The following DNAJC11 variants were observed in gnomAD, a reference collection of about 807,000 sequenced individuals.
The protein encoded by DNAJC11 is dnaJ homolog subfamily C member 11.
In DNAJC11, 15 loss-of-function variants were observed where a neutral mutation model predicts 78.6. The ratio of observed to expected loss-of-function variants is 0.19; its 90% CI spans 0.13 to 0.29. DNAJC11 has a LOEUF of 0.29. Among genes scored for constraint, DNAJC11 ranks in the 10% least tolerant of loss-of-function variants. DNAJC11 has a pLI of 1.00. For missense variants in DNAJC11, 547 were observed against 709.6 expected, an observed-to-expected ratio of 0.77 and a Z score of 2.60; for synonymous variants, 292 against 272.1, an observed-to-expected ratio of 1.07 and a Z score of -0.72.
Position 6,655,126 on chromosome 1 carries a change from C to A in DNAJC11, c.379-1087G>T, listed in dbSNP as rs572852420. Among the ~76,000 whole-genome samples, 11 of 152,274 alleles carry A rather than the reference C, an allele frequency of 7.2e-5. 1 individual carries two copies. Among genetic ancestry groups the A allele is most frequent in the Admixed American group, 3.9e-4 (6 of 15,300 alleles). On this transcript the variant is annotated intron_variant, in intron 4 of 15. Transcript: ENST00000377577. ...CTAGCTTTCTATCAGATGCTTCAAT[C>A]TGAAAATGCATTAACCCTAATAATT...
At chr1:6,643,868 A>T (rs1641923252) in intron 10 of DNAJC11, among the ~76,000 whole-genome samples, 1 of 151,874 alleles carries the variant, frequency 6.6e-6, no homozygotes, top group South Asian at 2.1e-4. Context: ...GCAAAGACAC[A>T]AGCAACTGTA....
chr1:6,635,809 C>A, intron 15 of DNAJC11, 109 bp from the exon 16 acceptor site: 1 of 1,334,240 alleles, frequency 7.5e-7, no homozygotes, highest in East Asian at 2.3e-5. Context: ...TGGGCCCAGG[C>A]GAGGCAGAGC....
chr1:6,685,805 TTTCA>T (rs1388511093), intron 1 of DNAJC11, among the ~76,000 whole-genome samples: 5 of 152,258 alleles, frequency 3.3e-5, no homozygotes, highest in African/African-American at 9.6e-5. Context: ...CCAAATTATC[TTTCA>T]GAGAACTTTT....
chr1:6,652,840 C>G lies in DNAJC11; in HGVS notation c.619G>C (p.Gly207Arg), dbSNP rs745810227. Reference protein sequence around the residue: ...FALRRVTSAKGWGELEFGAGD... With the variant: ...FALRRVTSAKRWGELEFGAGD... The stretch of plus-strand genomic sequence containing the variant: ...ATAGACATTCTTACCTCTCCCCATC[C>G]CTTTGCCGAAGTTACTCGTCTGAGC... The change falls in exon 6 of 16, where the codon GGA (glycine) becomes CGA (arginine). Residue 207 changes from glycine to arginine, a missense_variant. Transcript: ENST00000377577. 3.1e-6 allele frequency: 5 copies of G among 1,614,048 alleles called. No individual in the cohort carries two copies. Among genetic ancestry groups the G allele is most frequent in the Admixed American group, 1.7e-5 (1 of 59,988 alleles).
intron 1 of DNAJC11, among the ~76,000 whole-genome samples, chr1:6,682,522 C>T (rs1302718635): frequency 6.6e-6 from 1 of 152,204 alleles, no homozygotes; most frequent in Non-Finnish European, 1.5e-5. Context: ...CCCTCAAGCC[C>T]ATCTCCTCAG....
At chr1:6,656,100 TAAAA>T (rs749444041) in intron 4 of DNAJC11, among the ~76,000 whole-genome samples, 2 of 88,880 alleles carry the variant, frequency 2.3e-5, no homozygotes, top group African/African-American at 4.3e-5. Flanking sequence ...AGACTCCGTC[TAAAA>T]AAAAAAAAAA....
chr1:6,666,443 G>C lies in DNAJC11; in HGVS notation c.378+1266C>G, dbSNP rs145919817. Among the ~76,000 whole-genome samples the C allele has an allele frequency of 5.1e-3, 729 of 144,312 alleles. 9 individuals are homozygous for C. The highest frequency in any genetic ancestry group is 0.018 in the African/African-American group (678 of 37,488). 94.7% of individuals were successfully genotyped at this position (144,312 alleles called of 152,430 possible). On this transcript the variant is annotated intron_variant, in intron 4 of 15. Coordinates refer to ENST00000377577, the MANE Select transcript of DNAJC11 (RefSeq NM_018198.4). ...ACTCTGTTGTCCAGGCTGGAATGCAGTGGCATGATCTTGGCTCACCACAAC... is the reference window on the plus strand; with the variant it reads ...ACTCTGTTGTCCAGGCTGGAATGCACTGGCATGATCTTGGCTCACCACAAC...
At position 6,646,014 on chromosome 1, in the gene DNAJC11, G is replaced by A. The variant is rs775332321; in HGVS notation, c.705-36C>T. On this transcript the variant is annotated intron_variant, in intron 7 of 15. Coordinates refer to ENST00000377577, the MANE Select transcript of DNAJC11 (RefSeq NM_018198.4). ...ACAGAGACAGAATAGGTCCTGGATA[G>A]CACCTGCTCTCAGCTGTTCTGTTAC... 13 of 1,602,278 alleles carry A rather than the reference G, an allele frequency of 8.1e-6. No individual in the cohort carries two copies. The Admixed American group carries it at 1.8e-4, about 23-fold the overall frequency.
At chr1:6,669,525 G>GAAAAGAA (rs1642344536) in intron 3 of DNAJC11, among the ~76,000 whole-genome samples, 1 of 130,434 alleles carries the variant, frequency 7.7e-6, no homozygotes, top group East Asian at 2.0e-4. Flanking sequence ...GAAAAGAAAA[G>GAAAAGAA]AAAAGAAAAG....
intron 10 of DNAJC11, 51 bp downstream of exon 10, chr1:6,644,507 G>T: frequency 7.8e-7 from 1 of 1,277,168 alleles, no homozygotes; most frequent in Non-Finnish European, 1.1e-6. Context: ...AAGCCTGGTT[G>T]AGTGAAGGTG....
rs79326586 is a variant in DNAJC11, at chr1:6,682,481, G to T, written c.73-1444C>A. 5.1e-3 allele frequency among the ~76,000 whole-genome samples: 777 copies of T among 152,264 alleles called. 8 individuals are homozygous for T. The highest frequency in any genetic ancestry group is 0.017 in the African/African-American group (725 of 41,560). Reference sequence around the variant, plus strand: ...GGCCCATCGGTCCCACATGCCTGAGGGGGCAGCGGTGCTGGGGCCCGGGTT... The same window carrying T: ...GGCCCATCGGTCCCACATGCCTGAGTGGGCAGCGGTGCTGGGGCCCGGGTT... On this transcript the variant is annotated intron_variant, in intron 1 of 15. Transcript: ENST00000377577.
At chr1:6,640,597 T>C (rs1641860396) in intron 10 of DNAJC11, among the ~76,000 whole-genome samples, 1 of 152,120 alleles carries the variant, frequency 6.6e-6, no homozygotes, top group Admixed American at 6.5e-5. Flanking sequence ...TTTGGGAGGC[T>C]GAGGTGGGCG....
At chr1:6,672,430 G>C (rs1443398175) in intron 3 of DNAJC11, among the ~76,000 whole-genome samples, 1 of 152,174 alleles carries the variant, frequency 6.6e-6, no homozygotes, top group Non-Finnish European at 1.5e-5. Context: ...TTTCATCTTT[G>C]AAGACTGAAC....
At chr1:6,687,825 C>A (rs1216824597) in intron 1 of DNAJC11, among the ~76,000 whole-genome samples, 1 of 152,118 alleles carries the variant, frequency 6.6e-6, no homozygotes, top group Admixed American at 6.5e-5. Flanking sequence ...AATCATACAA[C>A]AACATCAAGC....
At chr1:6,662,558 G>A (rs1268288522) in intron 4 of DNAJC11, among the ~76,000 whole-genome samples, 2 of 152,074 alleles carry the variant, frequency 1.3e-5, no homozygotes, top group Middle Eastern at 3.2e-3. Context: ...CTGTAAAAAC[G>A]CACCAATCAG....
intron 1 of DNAJC11, among the ~76,000 whole-genome samples, chr1:6,693,423 C>G (rs1642782401): frequency 6.6e-6 from 1 of 152,190 alleles, no homozygotes; most frequent in Non-Finnish European, 1.5e-5. Flanking sequence ...CTCTGTCGCT[C>G]AGGCTGGAGT....
At chr1:6,651,490 A>G in intron 7 of DNAJC11, 39 bp downstream of exon 7, 1 of 1,577,138 alleles carries the variant, frequency 6.3e-7, no homozygotes, top group Non-Finnish European at 8.7e-7. Flanking sequence ...CTAAGCCAAC[A>G]AAGACCACCA....
intron 4 of DNAJC11, among the ~76,000 whole-genome samples, chr1:6,665,775 C>T (rs1285089737): frequency 2.0e-5 from 3 of 152,172 alleles, no homozygotes; most frequent in Non-Finnish European, 4.4e-5. Flanking sequence ...CTTTCCCTTT[C>T]ACTGCTCCTA....
chr1:6,658,863 A>G (rs958683465), intron 4 of DNAJC11, among the ~76,000 whole-genome samples: 5 of 152,220 alleles, frequency 3.3e-5, no homozygotes, highest in Non-Finnish European at 5.9e-5. Flanking sequence ...AGCAGATGTC[A>G]TCAATGGCCC....
Sources: gnomAD v4.1 joint callset for allele counts (sites outside exome capture counted in the v4.1 genomes callset) on GRCh38, gnomAD v4.1.1 for gene constraint, MANE v1.5 for transcripts, NCBI Gene and HGNC (gene_info 2026-07-23, HGNC 2026-07-21) for gene names.